The following COL19A1 variants were observed in gnomAD, a reference collection of about 807,000 sequenced individuals.
The protein encoded by COL19A1 is collagen type XIX alpha 1 chain.
COL19A1 carries 159 observed loss-of-function variants against 190.2 expected under a neutral mutation model. That is an observed-to-expected ratio of 0.84 (90% confidence interval 0.73 to 0.95). The LOEUF (loss-of-function observed/expected upper bound fraction) is 0.95, where lower values mean the gene tolerates loss of function less well. Ranked by LOEUF, COL19A1 falls within the 40% of genes least tolerant of loss-of-function variation. The pLI is 0.00. For synonymous variants in COL19A1, 509 were observed against 458.9 expected, an observed-to-expected ratio of 1.11 and a Z score of -1.39; for missense variants, 1,418 against 1,431.9, an observed-to-expected ratio of 0.99 and a Z score of 0.16.
chr6:69,908,996 C>A (rs928334857), intron 4 of COL19A1, among the ~76,000 whole-genome samples: 1 of 151,862 alleles, frequency 6.6e-6, no homozygotes, highest in African/African-American at 2.4e-5. Flanking sequence ...AATGGAAAAA[C>A]CATAAATCTA....
chr6:69,937,202 T>C (rs1773169123), intron 8 of COL19A1, among the ~76,000 whole-genome samples: 2 of 152,146 alleles, frequency 1.3e-5, no homozygotes, highest in Admixed American at 6.6e-5. Flanking sequence ...ACTTAGCATG[T>C]GCCAGGAATA....
chr6:69,895,274 G>A (rs1769643296), intron 2 of COL19A1, among the ~76,000 whole-genome samples: 1 of 152,220 alleles, frequency 6.6e-6, no homozygotes, highest in Admixed American at 6.5e-5. Flanking sequence ...ACAGAGGGTG[G>A]TGGGGTGGTT....
At chr6:69,869,445 A>G (rs1486042716) in intron 1 of COL19A1, among the ~76,000 whole-genome samples, 2 of 152,220 alleles carry the variant, frequency 1.3e-5, no homozygotes, top group South Asian at 2.1e-4. Flanking sequence ...ATCTATGCAT[A>G]CGTTATGAAG....
At position 70,206,895 on chromosome 6, in the gene COL19A1, A is replaced by G. The variant is rs912655252; in HGVS notation, c.3224-6A>G. 3 of 1,611,820 alleles carry G rather than the reference A, an allele frequency of 1.9e-6. No homozygotes were observed. In the Admixed American group the frequency reaches 5.0e-5, roughly 27 times the overall value. ...TGTGTCTCTTTTTTATATATTTCTC[A>G]CTTAGGCTACAGAGGACAGAAGGGA... is the stretch of plus-strand genomic sequence containing the variant. On this transcript the variant is annotated splice_region_variant and splice_polypyrimidine_tract_variant and intron_variant, in intron 49 of 50. Coordinates refer to ENST00000620364, the MANE Select transcript of COL19A1 (RefSeq NM_001858.6).
At chr6:70,189,239 T>C (rs1766710860) in intron 47 of COL19A1, among the ~76,000 whole-genome samples, 1 of 152,192 alleles carries the variant, frequency 6.6e-6, no homozygotes, top group Admixed American at 6.5e-5. Flanking sequence ...TTATCACATA[T>C]CTACACACAG....
rs1448493230 is a variant in COL19A1, at chr6:70,144,216, C to T, written c.1633C>T (p.Pro545Ser). Residue 545 changes from proline (P) to serine (S), a missense_variant, in exon 24 of 51, where the codon CCA becomes TCA. Coordinates refer to ENST00000620364, the MANE Select transcript of COL19A1 (RefSeq NM_001858.6). Reference protein sequence around the residue: ...PRGPPGDVGLPGEHGIPGKQG... With the variant: ...PRGPPGDVGLSGEHGIPGKQG... ...TTAACTCTGAGTTTTCTAGGGATTGCCAGGAGAACATGGTATCCCAGGAAA... is the reference window on the plus strand; with the variant it reads ...TTAACTCTGAGTTTTCTAGGGATTGTCAGGAGAACATGGTATCCCAGGAAA... 6.2e-7 allele frequency: 1 copy of T among 1,611,612 alleles called. No homozygotes were observed. The highest frequency in any genetic ancestry group is 8.5e-7 in the Non-Finnish European group (1 of 1,178,476).
chr6:70,145,805 C>T (rs1786598388), intron 25 of COL19A1, among the ~76,000 whole-genome samples: 2 of 149,320 alleles, frequency 1.3e-5, no homozygotes, highest in Non-Finnish European at 3.0e-5. Context: ...ACTGCAGCCT[C>T]CACCTCCGGG....
chr6:70,099,620 G>A (rs1214837730), intron 15 of COL19A1, among the ~76,000 whole-genome samples: 1 of 151,998 alleles, frequency 6.6e-6, no homozygotes, highest in Non-Finnish European at 1.5e-5. Flanking sequence ...TATGTATTTG[G>A]TGGTAAGCCT....
chr6:69,897,484 CACA>C (rs1769871455), intron 2 of COL19A1, among the ~76,000 whole-genome samples: 2 of 151,856 alleles, frequency 1.3e-5, no homozygotes, highest in African/African-American at 4.8e-5. Context: ...CACACACACA[CACA>C]CCCCATACTG....
chr6:70,137,710 C>A lies in COL19A1; in HGVS notation c.1409C>A (p.Pro470Gln). 3.1e-6 allele frequency: 5 copies of A among 1,613,344 alleles called. No homozygotes were observed. The highest frequency in any genetic ancestry group is 4.2e-6 in the Non-Finnish European group (5 of 1,179,436). Residue 470 changes from proline to glutamine, a missense_variant, in exon 19 of 51, where the codon CCA becomes CAA. Physicochemically the swap from Pro to Gln is moderately conservative, Grantham distance 76 (BLOSUM62 -1). Transcript: ENST00000620364. ...GGTGAAACTGGACTACCAGGATTTC[C>A]AGGGTCTGTTGGCCCTAAAGGACAA... ...DKGETGLPGF[P>Q]GSVGPKGQKG...
At chr6:70,103,299 G>T (rs1488282857) in intron 16 of COL19A1, among the ~76,000 whole-genome samples, 1 of 152,014 alleles carries the variant, frequency 6.6e-6, no homozygotes, top group African/African-American at 2.4e-5. Flanking sequence ...CCTTAGTTTA[G>T]ACCTCTGTCA....
chr6:69,923,376 G>A (rs1158562496), intron 4 of COL19A1, among the ~76,000 whole-genome samples: 1 of 152,166 alleles, frequency 6.6e-6, no homozygotes, highest in Non-Finnish European at 1.5e-5. Context: ...GGAAAGGGAA[G>A]AAAGAGTGTG....
At chr6:70,045,040 C>A (rs922881720) in intron 14 of COL19A1, among the ~76,000 whole-genome samples, 1 of 152,020 alleles carries the variant, frequency 6.6e-6, no homozygotes, top group African/African-American at 2.4e-5. Context: ...TTTCCAGGCA[C>A]GGTGGCTCAC....
At chr6:69,918,205 AG>A (rs1241182971) in intron 4 of COL19A1, among the ~76,000 whole-genome samples, 1 of 152,206 alleles carries the variant, frequency 6.6e-6, no homozygotes, top group Non-Finnish European at 1.5e-5. Context: ...GAAGGTTATA[AG>A]TAAGGGAGGG....
At chr6:70,037,722 C>A (rs1779428771) in intron 14 of COL19A1, among the ~76,000 whole-genome samples, 1 of 152,250 alleles carries the variant, frequency 6.6e-6, no homozygotes, top group South Asian at 2.1e-4. Context: ...GCCTGAAATA[C>A]AATTTTGGCT....
intron 15 of COL19A1, among the ~76,000 whole-genome samples, chr6:70,089,725 C>T (rs1194931159): frequency 6.6e-6 from 1 of 152,148 alleles, no homozygotes; most frequent in East Asian, 1.9e-4. Context: ...TGACATGTTT[C>T]AAGAACACTT....
chr6:70,130,256 TGCTCTGTTGCCCAGGCTGGAGTGCA>T (rs1785444789), intron 18 of COL19A1, 33 bp downstream of exon 18: 1 of 1,586,480 alleles, frequency 6.3e-7, no homozygotes. Flanking sequence ...GATGGAGTCT[TGCTCTGTTGCCCAGGCTGGAGTGCA>T]GTGGCACAAT....
At chr6:70,073,169 G>A (rs1377254776) in intron 15 of COL19A1, among the ~76,000 whole-genome samples, 3 of 152,090 alleles carry the variant, frequency 2.0e-5, no homozygotes, top group African/African-American at 2.4e-5. Context: ...TGTATTTTTA[G>A]TAGAGATGGG....
intron 11 of COL19A1, among the ~76,000 whole-genome samples, chr6:70,016,519 T>C (rs1016204728): frequency 1.3e-5 from 2 of 150,124 alleles, no homozygotes; most frequent in Middle Eastern, 3.4e-3. Flanking sequence ...ATGTGAAACT[T>C]ATTGTATGCT....
Sources: allele counts gnomAD v4.1 joint callset (sites outside exome capture counted in the v4.1 genomes callset), GRCh38; gene constraint gnomAD v4.1.1; transcripts MANE v1.5; gene names NCBI Gene and HGNC (gene_info 2026-07-23, HGNC 2026-07-21).